The following MAGI2 variants were observed in gnomAD, a reference collection of about 807,000 sequenced individuals.
The protein encoded by MAGI2 is membrane associated guanylate kinase, WW and PDZ domain containing 2.
A neutral mutation model predicts 133.3 loss-of-function variants in MAGI2; 35 were observed. That is an observed-to-expected ratio of 0.26 (90% CI 0.20 to 0.35). The LOEUF (loss-of-function observed/expected upper bound fraction) is 0.35. Ranked by LOEUF, MAGI2 falls within the 10% of genes least tolerant of loss-of-function variation. The pLI, the probability that MAGI2 is intolerant of heterozygous loss-of-function variation, is 1.00. For missense variants in MAGI2, 1,636 were observed against 1,863.4 expected (o/e 0.88, Z 2.25); for synonymous variants, 729 against 710.6 (o/e 1.03, Z -0.41).
At chr7:78,165,557 A>G (rs1045320174) in intron 15 of MAGI2, among the ~76,000 whole-genome samples, 7 of 152,136 alleles carry the variant, frequency 4.6e-5, no homozygotes, top group Non-Finnish European at 1.0e-4. Context: ...GAAGCGTGTC[A>G]TCCCTATGAC....
chr7:79,278,048 T>C (rs1323006734), intron 1 of MAGI2, among the ~76,000 whole-genome samples: 1 of 152,124 alleles, frequency 6.6e-6, no homozygotes, highest in African/African-American at 2.4e-5. Flanking sequence ...CATGCTGAAA[T>C]GTGACCTCCA....
rs773754579 is a variant in MAGI2, at chr7:78,019,919, C to T, written c.3764G>A (p.Gly1255Asp). Reference protein sequence around the residue: ...AAAAPGLPEVGVSLDDGLAPF... With the variant: ...AAAAPGLPEVDVSLDDGLAPF... Reference sequence around the variant, plus strand: ...AGCGAGGCCGTCGTCCAGGGAGACGCCTACTTCCGGCAGACCTGGGGCGGC... The same window carrying T: ...AGCGAGGCCGTCGTCCAGGGAGACGTCTACTTCCGGCAGACCTGGGGCGGC... The change falls in exon 22 of 22, where the codon GGC (glycine) becomes GAC (aspartate). Residue 1255 changes from glycine to aspartate, a missense_variant. Physicochemically the swap from Gly to Asp is moderately conservative, Grantham distance 94. Coordinates refer to ENST00000354212, the MANE Select transcript of MAGI2 (RefSeq NM_012301.4). The T allele has an allele frequency of 6.2e-7, 1 of 1,610,538 alleles. No individual in the cohort carries two copies. The highest frequency in any genetic ancestry group is 8.5e-7 in the Non-Finnish European group (1 of 1,178,784).
At chr7:78,522,233 C>T (rs559533720) in intron 3 of MAGI2, among the ~76,000 whole-genome samples, 15 of 152,136 alleles carry the variant, frequency 9.9e-5, no homozygotes, top group Non-Finnish European at 2.1e-4. Flanking sequence ...CTTTTTTTTG[C>T]CCATAGCTCC....
At chr7:78,612,627 C>G (rs1207843221) in intron 3 of MAGI2, among the ~76,000 whole-genome samples, 2 of 152,072 alleles carry the variant, frequency 1.3e-5, no homozygotes, top group African/African-American at 4.8e-5. Flanking sequence ...GAATAAGGAT[C>G]TGAAGATTAA....
At chr7:78,144,927 T>C (rs1298729670) in intron 16 of MAGI2, among the ~76,000 whole-genome samples, 6 of 152,112 alleles carry the variant, frequency 3.9e-5, no homozygotes, top group Non-Finnish European at 8.8e-5. Context: ...TTCCCCTCCC[T>C]GTGTCCGTGT....
chr7:78,350,439 T>A (rs1791385694), intron 7 of MAGI2: 1 of 152,192 alleles, frequency 6.6e-6, no homozygotes, highest in Admixed American at 6.5e-5. Flanking sequence ...AAAGAAAGCT[T>A]CCCAGGTGTC....
intron 3 of MAGI2, among the ~76,000 whole-genome samples, chr7:78,626,341 T>A (rs1386638929): frequency 6.6e-6 from 1 of 152,196 alleles, no homozygotes; most frequent in African/African-American, 2.4e-5. Flanking sequence ...AATTGATAAA[T>A]GCAATCATAT....
At chr7:78,295,520 T>C (rs1309833631) in intron 9 of MAGI2, among the ~76,000 whole-genome samples, 1 of 152,188 alleles carries the variant, frequency 6.6e-6, no homozygotes, top group African/African-American at 2.4e-5. Context: ...TCATCGCACA[T>C]ATATGATCAC....
intron 1 of MAGI2, among the ~76,000 whole-genome samples, chr7:79,169,221 T>G (rs1030721486): frequency 6.6e-6 from 1 of 152,054 alleles, no homozygotes; most frequent in African/African-American, 2.4e-5. Context: ...TCCTGTGAGC[T>G]GGACCGTTTT....
At chr7:78,765,124 G>A (rs1188660516) in intron 2 of MAGI2, among the ~76,000 whole-genome samples, 1 of 152,124 alleles carries the variant, frequency 6.6e-6, no homozygotes, top group African/African-American at 2.4e-5. Flanking sequence ...GTAATAGCAA[G>A]CACTCAAGTG....
chr7:79,189,392 T>C (rs1280223729), intron 1 of MAGI2, among the ~76,000 whole-genome samples: 2 of 151,528 alleles, frequency 1.3e-5, no homozygotes, highest in East Asian at 3.9e-4. Flanking sequence ...AATAAATCTG[T>C]GTCTACATCT....
intron 3 of MAGI2, among the ~76,000 whole-genome samples, chr7:78,523,917 A>G (rs1385913847): frequency 6.6e-6 from 1 of 152,204 alleles, no homozygotes; most frequent in East Asian, 1.9e-4. Context: ...CCCACTCCAG[A>G]CACTTATGTT....
At chr7:78,974,694 G>C (rs769387103) in intron 2 of MAGI2, among the ~76,000 whole-genome samples, 1 of 151,580 alleles carries the variant, frequency 6.6e-6, no homozygotes, top group Non-Finnish European at 1.5e-5. Flanking sequence ...CCTATTTATA[G>C]TGTACAATAT....
chr7:79,217,455 T>A (rs1340218045), intron 1 of MAGI2, among the ~76,000 whole-genome samples: 1 of 152,084 alleles, frequency 6.6e-6, no homozygotes, highest in Non-Finnish European at 1.5e-5. Context: ...TTCTAAGAGC[T>A]TTATATGTAA....
intron 1 of MAGI2, among the ~76,000 whole-genome samples, chr7:79,039,740 G>C (rs1415661990): frequency 4.6e-5 from 7 of 151,132 alleles, no homozygotes; most frequent in Non-Finnish European, 7.4e-5. Context: ...CGAGCACTTT[G>C]GGAGGCCAAG....
At chr7:79,297,007 A>AGTT (rs1554436517) in intron 1 of MAGI2, among the ~76,000 whole-genome samples, 65 of 152,276 alleles carry the variant, frequency 4.3e-4, no homozygotes, top group Middle Eastern at 6.8e-3. Context: ...AAATATGTAC[A>AGTT]ATTATGTGTC....
At chr7:78,478,437 TATTAG>T (rs1792008017) in intron 6 of MAGI2, among the ~76,000 whole-genome samples, 2 of 151,956 alleles carry the variant, frequency 1.3e-5, no homozygotes, top group Admixed American at 6.6e-5. Context: ...TATTTATATT[TATTAG>T]ATCAGACCCC....
chr7:78,866,187 C>G (rs1794537991), intron 2 of MAGI2, among the ~76,000 whole-genome samples: 2 of 152,156 alleles, frequency 1.3e-5, no homozygotes, highest in African/African-American at 4.8e-5. Context: ...TTGTGCTAAC[C>G]TTACTGCTTA....
chr7:78,396,116 G>T (rs895785616), intron 6 of MAGI2, among the ~76,000 whole-genome samples: 2 of 152,062 alleles, frequency 1.3e-5, no homozygotes, highest in Non-Finnish European at 2.9e-5. Flanking sequence ...ATTTGGAGAG[G>T]GTGCACCTGT....
Sources: allele counts gnomAD v4.1 joint callset (sites outside exome capture counted in the v4.1 genomes callset), GRCh38; gene constraint gnomAD v4.1.1; transcripts MANE v1.5; gene names NCBI Gene and HGNC (gene_info 2026-07-23, HGNC 2026-07-21).